Variants in LMO7 observed in about 807,000 individuals in gnomAD.
The protein encoded by LMO7 is LIM domain only protein 7.
LMO7 carries 120 observed loss-of-function variants against 206.5 expected under a neutral mutation model. The observed-to-expected ratio is 0.58, with a 90% CI of 0.50 to 0.68. The LOEUF is 0.68. Among genes scored for constraint, LMO7 ranks in the 30% least tolerant of loss-of-function variants. LMO7 has a pLI of 0.00. For synonymous variants in LMO7, 706 were observed against 681.5 expected (o/e 1.04, Z -0.56); for missense variants, 1,959 against 1,957.9 (o/e 1.00, Z -0.01).
intron 3 of LMO7, among the ~76,000 whole-genome samples, chr13:75,736,418 C>G (rs775275441): frequency 6.6e-6 from 1 of 152,154 alleles, no homozygotes; most frequent in Non-Finnish European, 1.5e-5. Flanking sequence ...AATTAGGGCT[C>G]CAGCAGATGC....
chr13:75,631,952 T>C (rs2035010128), upstream of LMO7: 5 of 152,242 alleles, frequency 3.3e-5, no homozygotes, highest in South Asian at 1.0e-3. Flanking sequence ...TGGGACAGAG[T>C]GTGGGCATTT....
In LMO7 at chr13:75,809,151, T is replaced by C; in HGVS notation, c.1917-3T>C. On this transcript the variant is annotated splice_polypyrimidine_tract_variant and splice_region_variant and intron_variant, in intron 10 of 30. Transcript: ENST00000377534. ...TTTAATTTTTGGTTTTCTGGTTTCT[T>C]AGACTCTTTCAAAAGATTTATGGTG... 1.9e-6 allele frequency: 3 copies of C among 1,611,408 alleles called. No individual in the cohort carries two copies. The highest frequency in any genetic ancestry group is 2.5e-6 in the Non-Finnish European group (3 of 1,177,716).
chr13:75,645,746 C>G (rs1368137546), intron 1 of LMO7, among the ~76,000 whole-genome samples: 3 of 152,222 alleles, frequency 2.0e-5, no homozygotes, highest in African/African-American at 4.8e-5. Flanking sequence ...ACTTCCTTCT[C>G]AAACCCTTCA....
At chr13:75,622,544 T>C (rs1391621104) in intron 1 of LMO7, among the ~76,000 whole-genome samples, 1 of 152,240 alleles carries the variant, frequency 6.6e-6, no homozygotes. Context: ...AAAATGTTTC[T>C]ACTCTGATAA....
At chr13:75,681,862 C>T (rs994696213) in intron 1 of LMO7, among the ~76,000 whole-genome samples, 3 of 151,326 alleles carry the variant, frequency 2.0e-5, no homozygotes, top group Admixed American at 6.6e-5. Flanking sequence ...CTTTTTATAG[C>T]TGAGTAGTAT....
intron 3 of LMO7, among the ~76,000 whole-genome samples, chr13:75,738,777 A>G (rs1055865261): frequency 6.6e-6 from 1 of 152,232 alleles, no homozygotes; most frequent in Non-Finnish European, 1.5e-5. Context: ...AAGAAGAGCT[A>G]TTGAACCAGA....
At chr13:75,727,552 T>C (rs565360496) in intron 3 of LMO7, among the ~76,000 whole-genome samples, 3 of 152,224 alleles carry the variant, frequency 2.0e-5, no homozygotes, top group Admixed American at 6.5e-5. Flanking sequence ...AATAAACATA[T>C]AATATGTACT....
chr13:75,840,225 C>A (rs2139192038), intron 21 of LMO7, 115 bp downstream of exon 21: 1 of 1,379,850 alleles, frequency 7.2e-7, no homozygotes, highest in South Asian at 1.2e-5. Context: ...AGAGAGTTAT[C>A]CTTCCAAGTT....
chr13:75,749,897 G>A (rs751861904), intron 3 of LMO7, among the ~76,000 whole-genome samples: 9 of 151,392 alleles, frequency 5.9e-5, no homozygotes, highest in Non-Finnish European at 1.2e-4. Context: ...GAGACTGACT[G>A]CTTATTTTCT....
Position 75,677,652 on chromosome 13 carries a change from T to TA in LMO7, c.70-35530_70-35529insA, listed in dbSNP as rs1555292514. On this transcript the variant is annotated intron_variant, in intron 1 of 30. Coordinates refer to ENST00000377534, the MANE Select transcript of LMO7 (RefSeq NM_001306080.2). ...GTATTTGTCCTGTAGCTTTTTTTTT[T>TA]TTATTATACTTTAAGTTCTAGGGTA... Among the ~76,000 whole-genome samples, 25 of 151,456 alleles carry TA rather than the reference T, an allele frequency of 1.7e-4. 1 individual carries two copies. The highest frequency in any genetic ancestry group is 3.9e-4 in the Admixed American group (6 of 15,208).
At chr13:75,655,556 T>C (rs1265393489) in intron 1 of LMO7, among the ~76,000 whole-genome samples, 1 of 151,396 alleles carries the variant, frequency 6.6e-6, no homozygotes, top group Admixed American at 6.6e-5. Flanking sequence ...TATTGCTCTG[T>C]AGTTGATATT....
chr13:75,768,077 AG>A (rs1294240169), intron 4 of LMO7, among the ~76,000 whole-genome samples: 1 of 152,046 alleles, frequency 6.6e-6, no homozygotes, highest in Admixed American at 6.6e-5. Context: ...AGGTATATAA[AG>A]TATATAGTGC....
At chr13:75,777,647 GT>G (rs3036339) in intron 4 of LMO7, among the ~76,000 whole-genome samples, 28 of 132,080 alleles carry the variant, frequency 2.1e-4, no homozygotes, top group South Asian at 7.2e-4. Flanking sequence ...TTCTTTTCTT[GT>G]TTTTTTTTTT....
chr13:75,734,705 C>T (rs1295017111), intron 3 of LMO7, among the ~76,000 whole-genome samples: 2 of 152,054 alleles, frequency 1.3e-5, no homozygotes, highest in African/African-American at 4.8e-5. Context: ...ATAAAGTTCC[C>T]AGAGCAGCTG....
Position 75,817,215 on chromosome 13 carries a change from G to A in LMO7, c.2001G>A (p.Leu667=). 1 of 1,613,826 alleles carries A rather than the reference G, an allele frequency of 6.2e-7. No individual in the cohort carries two copies. Among genetic ancestry groups the A allele is most frequent in the Non-Finnish European group, 8.5e-7 (1 of 1,179,794 alleles). ...SAEDVQNLRQ[L]RYEEMQKIKS... is the part of the protein sequence containing the mutation. Reference sequence around the variant, plus strand: ...AAGATGTTCAAAACTTGCGTCAGCTGCGTTACGAGGAGATGCAGAAAATAA... The same window carrying A: ...AAGATGTTCAAAACTTGCGTCAGCTACGTTACGAGGAGATGCAGAAAATAA... The change falls in exon 12 of 31, where the codon CTG becomes CTA. Residue 667 remains leucine (L), a synonymous_variant. Transcript: ENST00000377534.
chr13:75,791,534 T>G (rs1204321318), intron 4 of LMO7, among the ~76,000 whole-genome samples: 1 of 152,174 alleles, frequency 6.6e-6, no homozygotes, highest in African/African-American at 2.4e-5. Flanking sequence ...GTGCGAGGCA[T>G]TTTTAATCAA....
At chr13:75,855,036 A>G in intron 28 of LMO7, 1 of 458,444 alleles carries the variant, frequency 2.2e-6, no homozygotes, top group Non-Finnish European at 3.9e-6. Context: ...TTGCTCATTT[A>G]TGTGAATAGG....
chr13:75,690,037 AAG>A (rs2041332579), intron 1 of LMO7, among the ~76,000 whole-genome samples: 1 of 151,802 alleles, frequency 6.6e-6, no homozygotes. Context: ...TTTCCGACTA[AAG>A]AGCCAGGAAG....
chr13:75,722,741 C>T (rs547284188), intron 2 of LMO7, among the ~76,000 whole-genome samples: 1 of 152,300 alleles, frequency 6.6e-6, no homozygotes, highest in East Asian at 1.9e-4. Context: ...GCAATTTGCA[C>T]TTGCAAGAAT....
Sources: allele counts gnomAD v4.1 joint callset (sites outside exome capture counted in the v4.1 genomes callset), GRCh38; gene constraint gnomAD v4.1.1; transcripts MANE v1.5; gene names NCBI Gene and HGNC (gene_info 2026-07-23, HGNC 2026-07-21).